Variants in DMD observed in about 807,000 individuals in gnomAD.
The protein encoded by DMD is mutant dystrophin.
A neutral mutation model predicts 330.1 loss-of-function variants in DMD; 63 were observed. The observed-to-expected ratio is 0.19, with a 90% CI of 0.16 to 0.24. The LOEUF is 0.24. Ranked by LOEUF, DMD falls within the 10% of genes least tolerant of loss-of-function variation. The pLI, the probability that DMD is intolerant of heterozygous loss-of-function variation, is 1.00. For synonymous variants in DMD, 1,223 were observed against 959.8 expected, an observed-to-expected ratio of 1.27 and a Z score of -5.07; for missense variants, 3,344 against 2,684.1, an observed-to-expected ratio of 1.25 and a Z score of -5.43.
At chrX:31,818,846 T>C (rs73213882) in intron 50 of DMD, among the ~76,000 whole-genome samples, 8,616 of 110,363 alleles carry the variant, frequency 0.078, 311 homozygotes, top group East Asian at 0.24. Context: ...TGTCCCCAGA[T>C]TGTAGGGCTT....
chrX:31,693,512 T>C (rs914343792), intron 52 of DMD, among the ~76,000 whole-genome samples: 3 of 111,751 alleles, frequency 2.7e-5, no homozygotes, highest in African/African-American at 6.5e-5. Context: ...CATAATCTTA[T>C]ACAGCAAATC....
chrX:32,597,304 T>C (rs2055671337), intron 12 of DMD, among the ~76,000 whole-genome samples: 1 of 111,463 alleles, frequency 9.0e-6, no homozygotes, highest in Admixed American at 9.6e-5. Flanking sequence ...TCCTTTTGTC[T>C]CTACTTACTA....
chrX:32,639,690 G>A (rs2146738544), intron 11 of DMD, among the ~76,000 whole-genome samples: 1 of 111,968 alleles, frequency 8.9e-6, no homozygotes, highest in South Asian at 3.7e-4. Flanking sequence ...GGTTATGAAG[G>A]AGAAAGAAAG....
chrX:32,724,716 CTT>C (rs1201134892), intron 7 of DMD, among the ~76,000 whole-genome samples: 3 of 111,617 alleles, frequency 2.7e-5, no homozygotes, highest in African/African-American at 6.5e-5. Flanking sequence ...AACTGAATAA[CTT>C]TATTAGCTCT....
At chrX:31,437,998 C>T (rs1295882572) in intron 60 of DMD, among the ~76,000 whole-genome samples, 1 of 110,348 alleles carries the variant, frequency 9.1e-6, no homozygotes, top group African/African-American at 3.3e-5. Context: ...TATTGGACAG[C>T]ACAGTTCTAG....
intron 7 of DMD, among the ~76,000 whole-genome samples, chrX:32,723,827 T>C: frequency 9.1e-6 from 1 of 109,641 alleles, no homozygotes; most frequent in Non-Finnish European, 1.9e-5. Flanking sequence ...AGAATAATTA[T>C]CTTAGGCCAC....
chrX:31,277,160 C>T (rs2052202946), intron 62 of DMD, among the ~76,000 whole-genome samples: 1 of 111,293 alleles, frequency 9.0e-6, no homozygotes, highest in Non-Finnish European at 1.9e-5. Flanking sequence ...TGCATTACCT[C>T]ATATACTTAT....
intron 49 of DMD, among the ~76,000 whole-genome samples, chrX:31,825,767 T>C (rs996041032): frequency 1.8e-5 from 2 of 111,731 alleles, no homozygotes; most frequent in Non-Finnish European, 3.8e-5. Flanking sequence ...ATTTACATTG[T>C]GATTTAGAAT....
chrX:32,515,734 T>G (rs2045794502), intron 18 of DMD, among the ~76,000 whole-genome samples: 1 of 111,608 alleles, frequency 9.0e-6, no homozygotes, highest in Non-Finnish European at 1.9e-5. Context: ...TTTATGTGCA[T>G]AGGAATCACT....
At chrX:32,666,378 C>T (rs1274619190) in intron 9 of DMD, among the ~76,000 whole-genome samples, 1 of 110,160 alleles carries the variant, frequency 9.1e-6, no homozygotes, top group African/African-American at 3.3e-5. Context: ...CCCAGACAGG[C>T]GATGGTGTGT....
At chrX:32,724,248 T>C (rs932996482) in intron 7 of DMD, among the ~76,000 whole-genome samples, 1 of 111,636 alleles carries the variant, frequency 9.0e-6, no homozygotes, top group African/African-American at 3.2e-5. Context: ...TCAGACTTTT[T>C]TGCTGAAACT....
At chrX:32,748,340 C>T (rs1286132091) in intron 7 of DMD, among the ~76,000 whole-genome samples, 2 of 90,297 alleles carry the variant, frequency 2.2e-5, no homozygotes, top group Non-Finnish European at 2.1e-5. Flanking sequence ...AACAAGACTC[C>T]GTCTCAAAAA....
At chrX:32,191,128 T>C (rs1380719392) in intron 44 of DMD, among the ~76,000 whole-genome samples, 1 of 111,495 alleles carries the variant, frequency 9.0e-6, no homozygotes, top group Non-Finnish European at 1.9e-5. Context: ...GAGGCACCAG[T>C]TCCTGCTTTT....
Position 31,440,311 on chromosome X carries a change from T to A in DMD, c.9084+4170A>T, listed in dbSNP as rs766648314. ...ACAAGCGTGCGCCACCACACCCAGC[T>A]AATTTTTGTATTTTTAGTAGTGATG... On this transcript the variant is annotated intron_variant, in intron 60 of 78. Coordinates refer to ENST00000357033, the MANE Select transcript of DMD (RefSeq NM_004006.3). Among the ~76,000 whole-genome samples the A allele has an allele frequency of 3.7e-5, 4 of 107,958 alleles. No individual in the cohort carries two copies. In the East Asian group the frequency reaches 8.8e-4, roughly 24 times the overall value. 93.7% of individuals were successfully genotyped at this position (107,958 alleles called of 115,157 possible).
At chrX:32,194,579 T>C (rs12014809) in intron 44 of DMD, among the ~76,000 whole-genome samples, 18,427 of 110,947 alleles carry the variant, frequency 0.17, 1,393 homozygotes, top group East Asian at 0.29. Context: ...GGCATCAACT[T>C]TTTGTGAGGT....
chrX:31,690,430 C>T (rs1200306223), intron 52 of DMD, among the ~76,000 whole-genome samples: 1 of 111,970 alleles, frequency 8.9e-6, no homozygotes, highest in East Asian at 2.8e-4. Flanking sequence ...TACCATCTCA[C>T]ACCAGTTAGA....
intron 60 of DMD, among the ~76,000 whole-genome samples, chrX:31,415,505 G>T (rs1387912054): frequency 2.7e-5 from 3 of 111,594 alleles, no homozygotes; most frequent in African/African-American, 9.8e-5. Flanking sequence ...TACAGGCTGG[G>T]GTCTTTTGAA....
At chrX:31,333,932 AT>A (rs1033589563) in intron 61 of DMD, among the ~76,000 whole-genome samples, 4 of 108,996 alleles carry the variant, frequency 3.7e-5, no homozygotes, top group African/African-American at 1.4e-4. Context: ...GGAGATATTC[AT>A]CTTTTTTTTT....
In DMD at chrX:32,348,582, T is replaced by G. The variant is rs41309607; in HGVS notation, c.5326-54A>C. 0.013 allele frequency: 13,105 copies of G among 1,046,438 alleles called. 62 individuals carry two copies. Among genetic ancestry groups the G allele is most frequent in the Non-Finnish European group, 0.014 (11,146 of 768,698 alleles). The allele number at this position is 1,046,438 out of a possible 1,213,427, so 86.2% of individuals were successfully genotyped here. A position where few individuals can be genotyped will look rare whatever the true frequency, so the allele number is the denominator to read the frequency against. ...TCAAAATTACTTTTTATTAGAAACA[T>G]AAACCAAAAGAAATACATTTATTCA... On this transcript the variant is annotated intron_variant, in intron 37 of 78. Transcript: ENST00000357033.
Sources: gnomAD v4.1 joint callset for allele counts (sites outside exome capture counted in the v4.1 genomes callset) on GRCh38, gnomAD v4.1.1 for gene constraint, MANE v1.5 for transcripts, NCBI Gene and HGNC (gene_info 2026-07-23, HGNC 2026-07-21) for gene names.